Variants in RALYL observed in about 807,000 individuals in gnomAD.
RALYL encodes RNA-binding Raly-like protein.
RALYL carries 29 observed loss-of-function variants against 35.1 expected under a neutral mutation model. The observed-to-expected ratio is 0.83, with a 90% confidence interval of 0.61 to 1.13. RALYL has a LOEUF of 1.13. Among genes scored for constraint, RALYL ranks in the 50% most tolerant of loss-of-function variants. RALYL has a pLI of 0.00. For synonymous variants in RALYL, 120 were observed against 127.6 expected, an observed-to-expected ratio of 0.94 and a Z score of 0.40; for missense variants, 359 against 360.4, an observed-to-expected ratio of 1.00 and a Z score of 0.03.
At chr8:84,600,088 G>A (rs948110143) in intron 2 of RALYL, among the ~76,000 whole-genome samples, 1 of 151,952 alleles carries the variant, frequency 6.6e-6, no homozygotes, top group Admixed American at 6.6e-5. Context: ...TCACAGTGCT[G>A]TCTGTCAATC....
chr8:84,249,889 A>G (rs1224934965), intron 1 of RALYL, among the ~76,000 whole-genome samples: 1 of 148,332 alleles, frequency 6.7e-6, no homozygotes, highest in Non-Finnish European at 1.5e-5. Context: ...TTTTTTTCCT[A>G]TATGCACATA....
chr8:84,630,750 G>A (rs914147662), intron 2 of RALYL, among the ~76,000 whole-genome samples: 3 of 152,040 alleles, frequency 2.0e-5, no homozygotes, highest in Non-Finnish European at 4.4e-5. Context: ...CTCAATGGCT[G>A]TTGGAGAGTA....
At chr8:84,891,017 A>C (rs2135458786) in intron 8 of RALYL, among the ~76,000 whole-genome samples, 1 of 152,270 alleles carries the variant, frequency 6.6e-6, no homozygotes, top group South Asian at 2.1e-4. Context: ...TAAATGAATA[A>C]AAGAAAAACA....
intron 1 of RALYL, among the ~76,000 whole-genome samples, chr8:84,305,807 G>A (rs1841675166): frequency 1.3e-5 from 2 of 152,116 alleles, no homozygotes; most frequent in Admixed American, 1.3e-4. Flanking sequence ...GGATGATTTG[G>A]ATTAGAAAAT....
At chr8:84,913,202 A>G (rs1320432716) in intron 8 of RALYL, among the ~76,000 whole-genome samples, 2 of 152,012 alleles carry the variant, frequency 1.3e-5, no homozygotes, top group Non-Finnish European at 2.9e-5. Flanking sequence ...TCTTTATCAA[A>G]GTTCAGTCTA....
chr8:84,698,833 G>A (rs1055820019), intron 2 of RALYL, among the ~76,000 whole-genome samples: 18 of 152,058 alleles, frequency 1.2e-4, no homozygotes, highest in South Asian at 4.1e-4. Context: ...CACGTGCCAC[G>A]TGCCACTTGC....
At chr8:84,691,483 T>C (rs1169101740) in intron 2 of RALYL, among the ~76,000 whole-genome samples, 4 of 152,070 alleles carry the variant, frequency 2.6e-5, no homozygotes, top group South Asian at 4.1e-4. Flanking sequence ...TGACAGTGAA[T>C]TGAGAAAGAT....
intron 2 of RALYL, among the ~76,000 whole-genome samples, chr8:84,703,403 G>A (rs75073978): frequency 2.0e-5 from 3 of 152,224 alleles, no homozygotes; most frequent in East Asian, 1.9e-4. Flanking sequence ...AAACATTGAC[G>A]AGTACAAGTC....
At chr8:84,520,396 T>C (rs1278520480) in intron 1 of RALYL, among the ~76,000 whole-genome samples, 1 of 152,234 alleles carries the variant, frequency 6.6e-6, no homozygotes, top group African/African-American at 2.4e-5. Flanking sequence ...TTGAAATGAA[T>C]ACTTCTTAGT....
At chr8:84,420,397 G>C (rs934557085) in intron 1 of RALYL, among the ~76,000 whole-genome samples, 1 of 151,918 alleles carries the variant, frequency 6.6e-6, no homozygotes, top group Non-Finnish European at 1.5e-5. Context: ...GGCGTTGTTT[G>C]TTTTTTTCTT....
chr8:84,877,826 T>G (rs1185971140), intron 7 of RALYL, among the ~76,000 whole-genome samples: 2 of 152,200 alleles, frequency 1.3e-5, no homozygotes, highest in Non-Finnish European at 2.9e-5. Context: ...CTGACTGCTG[T>G]AGCCTATAAC....
At chr8:84,728,301 G>A (rs990974006) in intron 2 of RALYL, among the ~76,000 whole-genome samples, 7 of 152,176 alleles carry the variant, frequency 4.6e-5, no homozygotes, top group African/African-American at 9.6e-5. Flanking sequence ...CATGTCCTTC[G>A]CCTACTTTTT....
intron 1 of RALYL, among the ~76,000 whole-genome samples, chr8:84,371,539 TCACACACACA>T (rs5892914): frequency 1.1e-3 from 157 of 144,158 alleles, no homozygotes; most frequent in East Asian, 8.2e-3. Context: ...TTTATGATTA[TCACACACACA>T]CACACACACA....
intron 2 of RALYL, among the ~76,000 whole-genome samples, chr8:84,744,712 T>A (rs1563501176): frequency 1.3e-5 from 2 of 151,928 alleles, no homozygotes; most frequent in Non-Finnish European, 1.5e-5. Context: ...TGTTCCAGAA[T>A]TATCTTCCAT....
intron 1 of RALYL, among the ~76,000 whole-genome samples, chr8:84,501,194 T>C (rs2056618704): frequency 6.6e-6 from 1 of 152,168 alleles, no homozygotes; most frequent in Non-Finnish European, 1.5e-5. Flanking sequence ...TCTAAGCAAA[T>C]GTTAATTTTC....
At chr8:84,728,729 G>A (rs938597494) in intron 2 of RALYL, among the ~76,000 whole-genome samples, 3 of 152,046 alleles carry the variant, frequency 2.0e-5, no homozygotes, top group African/African-American at 7.3e-5. Context: ...TATTAAATAG[G>A]GAATCCTTTC....
chr8:84,234,719 T>G (rs2131476860), intron 1 of RALYL, among the ~76,000 whole-genome samples: 1 of 152,304 alleles, frequency 6.6e-6, no homozygotes, highest in East Asian at 1.9e-4. Context: ...GACATGCAAC[T>G]TTACTTCATT....
At chr8:84,878,841 T>A (rs543083487) in intron 7 of RALYL, among the ~76,000 whole-genome samples, 5 of 152,194 alleles carry the variant, frequency 3.3e-5, no homozygotes, top group African/African-American at 1.2e-4. Context: ...AATTACACGA[T>A]GAATATCTGA....
chr8:84,429,825 G>A (rs1288860566), intron 1 of RALYL, among the ~76,000 whole-genome samples: 1 of 152,132 alleles, frequency 6.6e-6, no homozygotes, highest in Non-Finnish European at 1.5e-5. Context: ...CAGAGTTAAA[G>A]GATGTCCACT....
Sources: allele counts gnomAD v4.1 joint callset (sites outside exome capture counted in the v4.1 genomes callset), GRCh38; gene constraint gnomAD v4.1.1; transcripts MANE v1.5; gene names NCBI Gene and HGNC (gene_info 2026-07-23, HGNC 2026-07-21).